NEK11: variants seen among roughly 807,000 people sequenced by gnomAD.
The protein encoded by NEK11 is serine/threonine-protein kinase Nek11.
In NEK11, 72 loss-of-function variants were observed where a neutral mutation model predicts 80.7. That is an observed-to-expected ratio of 0.89 (90% CI 0.74 to 1.08). NEK11 has a LOEUF of 1.08. NEK11 is among the 50% of genes least tolerant of loss of function. The pLI, the probability that NEK11 is intolerant of heterozygous loss-of-function variation, is 0.00. For missense variants in NEK11, 764 were observed against 763.6 expected, an observed-to-expected ratio of 1.00 and a Z score of -0.01; for synonymous variants, 251 against 260.7, an observed-to-expected ratio of 0.96 and a Z score of 0.36.
intron 17 of NEK11, among the ~76,000 whole-genome samples, chr3:131,336,155 C>T (rs1337754054): frequency 3.3e-5 from 5 of 152,158 alleles, no homozygotes; most frequent in South Asian, 2.1e-4. Flanking sequence ...GAGCCCGCAT[C>T]ACCAAGTCAA....
At chr3:131,087,204 A>G (rs1018020433) in intron 4 of NEK11, among the ~76,000 whole-genome samples, 3 of 143,704 alleles carry the variant, frequency 2.1e-5, no homozygotes, top group Non-Finnish European at 4.6e-5. Context: ...TAGTATGAGG[A>G]TTCATGCCAA....
intron 14 of NEK11, among the ~76,000 whole-genome samples, chr3:131,220,789 T>C (rs1463748125): frequency 1.3e-5 from 2 of 152,216 alleles, no homozygotes; most frequent in African/African-American, 4.8e-5. Flanking sequence ...GGGCAGACTC[T>C]AGGGCACCTG....
chr3:131,185,154 C>T (rs367839907), intron 14 of NEK11, among the ~76,000 whole-genome samples: 7 of 152,274 alleles, frequency 4.6e-5, no homozygotes, highest in African/African-American at 7.2e-5. Context: ...GGTTGAATCA[C>T]TATTTTTTAA....
At chr3:131,283,899 A>C (rs2096436523) in intron 17 of NEK11, among the ~76,000 whole-genome samples, 1 of 152,220 alleles carries the variant, frequency 6.6e-6, no homozygotes. Context: ...GTCGGTTTTA[A>C]GAGATCCTTT....
intron 14 of NEK11, among the ~76,000 whole-genome samples, chr3:131,193,110 CAT>C (rs1486685335): frequency 6.6e-6 from 1 of 152,050 alleles, no homozygotes; most frequent in Non-Finnish European, 1.5e-5. Context: ...TACATATTAA[CAT>C]AAATTGCATA....
intron 17 of NEK11, among the ~76,000 whole-genome samples, chr3:131,302,663 A>C (rs2096674469): frequency 6.6e-6 from 1 of 152,218 alleles, no homozygotes; most frequent in Non-Finnish European, 1.5e-5. Context: ...TATGGTTTTT[A>C]GAGATCTCCT....
intron 14 of NEK11, among the ~76,000 whole-genome samples, chr3:131,197,913 C>G (rs79793353): frequency 0.011 from 1,735 of 152,106 alleles, 45 homozygotes; most frequent in African/African-American, 0.039. Context: ...CCTTTCCTTT[C>G]TGATGATGAT....
chr3:131,296,535 T>C (rs1317995478), intron 17 of NEK11, among the ~76,000 whole-genome samples: 1 of 152,214 alleles, frequency 6.6e-6, no homozygotes, highest in African/African-American at 2.4e-5. Flanking sequence ...TGAGAAAGTC[T>C]TTATTTCTCC....
intron 14 of NEK11, among the ~76,000 whole-genome samples, chr3:131,214,602 A>C (rs1046954863): frequency 6.6e-6 from 1 of 152,162 alleles, no homozygotes; most frequent in African/African-American, 2.4e-5. Flanking sequence ...AATCATCTTG[A>C]CATATAGGAT....
chr3:131,270,646 A>G (rs2096165022), intron 16 of NEK11, among the ~76,000 whole-genome samples: 1 of 152,208 alleles, frequency 6.6e-6, no homozygotes, highest in Non-Finnish European at 1.5e-5. Context: ...ACACTGAAAA[A>G]GGAATTGCTC....
Position 131,234,741 on chromosome 3 carries a change from C to G in NEK11, c.1560+6053C>G, listed in dbSNP as rs192662969. On this transcript the variant is annotated intron_variant, in intron 15 of 17. Transcript: ENST00000383366. ...CTAGTCATATTAGGACCAGTCAAAC[C>G]TTGCTGTGGAATACAGCACAGTGGG... Among the ~76,000 whole-genome samples the G allele has an allele frequency of 9.9e-5, 15 of 152,058 alleles. No individual in the cohort carries two copies. In the East Asian group the frequency reaches 2.9e-3, roughly 29 times the overall value.
intron 17 of NEK11, among the ~76,000 whole-genome samples, chr3:131,283,720 A>C (rs1418779703): frequency 6.6e-6 from 1 of 152,146 alleles, no homozygotes; most frequent in Non-Finnish European, 1.5e-5. Context: ...TGTACCTCCA[A>C]CATTCCCTTT....
At chr3:131,110,807 G>A (rs1267280973) in intron 5 of NEK11, among the ~76,000 whole-genome samples, 2 of 152,102 alleles carry the variant, frequency 1.3e-5, no homozygotes, top group Non-Finnish European at 2.9e-5. Context: ...AGCATAAAAA[G>A]TAATCGGATT....
At position 131,349,806 on chromosome 3, in the gene NEK11, G is replaced by A; in HGVS notation, c.*30G>A. On this transcript the variant is annotated 3_prime_UTR_variant, in exon 18 of 18. Coordinates refer to ENST00000383366, the MANE Select transcript of NEK11 (RefSeq NM_024800.5). Reference sequence around the variant, plus strand: ...CTATCAAAAAGAAGCAGAAGTTCAAGTGGACAAATTTATGTGAAAATTCAT... The same window carrying A: ...CTATCAAAAAGAAGCAGAAGTTCAAATGGACAAATTTATGTGAAAATTCAT... 1 of 1,534,620 alleles carries A rather than the reference G, an allele frequency of 6.5e-7. No homozygotes were observed. Among genetic ancestry groups the A allele is most frequent in the Non-Finnish European group, 9.0e-7 (1 of 1,110,440 alleles).
At chr3:131,308,517 C>G (rs2096744886) in intron 17 of NEK11, among the ~76,000 whole-genome samples, 1 of 152,174 alleles carries the variant, frequency 6.6e-6, no homozygotes. Context: ...TAAATTTACA[C>G]CCCTGTCTTT....
At chr3:131,344,867 C>T (rs1451326869) in intron 17 of NEK11, among the ~76,000 whole-genome samples, 1 of 152,134 alleles carries the variant, frequency 6.6e-6, no homozygotes. Flanking sequence ...GAGGGAACAG[C>T]TCCCAAGACC....
intron 3 of NEK11, among the ~76,000 whole-genome samples, chr3:131,045,818 A>G (rs2067295819): frequency 6.6e-6 from 1 of 151,896 alleles, no homozygotes; most frequent in South Asian, 2.1e-4. Flanking sequence ...TAGGATTGTG[A>G]TATTTTCCTT....
At chr3:131,278,658 C>T (rs771179155) in intron 17 of NEK11, among the ~76,000 whole-genome samples, 3 of 152,084 alleles carry the variant, frequency 2.0e-5, no homozygotes, top group South Asian at 2.1e-4. Flanking sequence ...AATGACGGCT[C>T]GTCAGCTTTC....
At chr3:131,119,247 C>G (rs1333969535) in intron 5 of NEK11, among the ~76,000 whole-genome samples, 10 of 152,142 alleles carry the variant, frequency 6.6e-5, no homozygotes, top group Non-Finnish European at 1.5e-4. Flanking sequence ...CATTCAAGAG[C>G]AGGTTGTTTA....
Sources: gnomAD v4.1 joint callset for allele counts (sites outside exome capture counted in the v4.1 genomes callset) on GRCh38, gnomAD v4.1.1 for gene constraint, MANE v1.5 for transcripts, NCBI Gene and HGNC (gene_info 2026-07-23, HGNC 2026-07-21) for gene names.